The following GUCY1A2 variants were observed in gnomAD, a reference collection of about 807,000 sequenced individuals.
The protein encoded by GUCY1A2 is guanylate cyclase 1 soluble subunit alpha 2, also known as guanylate cyclase soluble subunit alpha-2.
GUCY1A2 carries 27 observed loss-of-function variants against 63.5 expected under a neutral mutation model. That is an observed-to-expected ratio of 0.43 (90% CI 0.31 to 0.59). The LOEUF (loss-of-function observed/expected upper bound fraction) is 0.59, where lower values mean the gene tolerates loss of function less well. Among genes scored for constraint, GUCY1A2 ranks in the 20% least tolerant of loss-of-function variants. GUCY1A2 has a pLI of 0.11. For missense variants in GUCY1A2, 768 were observed against 913.3 expected (o/e 0.84, Z 2.05); for synonymous variants, 364 against 343.5 (o/e 1.06, Z -0.66).
At chr11:106,742,211 T>C (rs1297607354) in intron 6 of GUCY1A2, among the ~76,000 whole-genome samples, 2 of 152,198 alleles carry the variant, frequency 1.3e-5, no homozygotes, top group African/African-American at 2.4e-5. Flanking sequence ...CCAACTTTTA[T>C]GTGCAGGATG....
chr11:106,717,480 C>T (rs1863235905), intron 6 of GUCY1A2, among the ~76,000 whole-genome samples: 1 of 152,132 alleles, frequency 6.6e-6, no homozygotes, highest in Admixed American at 6.6e-5. Context: ...CCATGAGTAA[C>T]ATTATGAGCT....
At chr11:106,929,344 A>G (rs1419984557) in intron 4 of GUCY1A2, among the ~76,000 whole-genome samples, 1 of 152,176 alleles carries the variant, frequency 6.6e-6, no homozygotes, top group African/African-American at 2.4e-5. Flanking sequence ...ATCCAAATAC[A>G]GGCAGCATTT....
chr11:106,856,726 G>A (rs1487466632), intron 4 of GUCY1A2, among the ~76,000 whole-genome samples: 2 of 152,120 alleles, frequency 1.3e-5, no homozygotes, highest in Non-Finnish European at 2.9e-5. Flanking sequence ...ACAGCACCAC[G>A]GTGTGCATTG....
intron 4 of GUCY1A2, among the ~76,000 whole-genome samples, chr11:106,889,901 T>C (rs1430109838): frequency 1.3e-5 from 2 of 152,170 alleles, no homozygotes; most frequent in African/African-American, 4.8e-5. Flanking sequence ...TTATTTATAA[T>C]AGAAAAGCAA....
chr11:106,918,717 T>C (rs1860401043), intron 4 of GUCY1A2, among the ~76,000 whole-genome samples: 1 of 145,754 alleles, frequency 6.9e-6, no homozygotes, highest in African/African-American at 2.4e-5. Context: ...AAAGATTTAT[T>C]GTGCACACTT....
Position 107,017,867 on chromosome 11 carries a change from C to T in GUCY1A2, c.189G>A (p.Pro63=). 1 of 1,250,306 alleles carries T rather than the reference C, an allele frequency of 8.0e-7. No homozygotes were observed. Among genetic ancestry groups the T allele is most frequent in the Non-Finnish European group, 1.0e-6 (1 of 995,958 alleles). 77.5% of individuals were successfully genotyped at this position (1,250,306 alleles called of 1,614,324 possible). Residue 63 remains proline, a synonymous_variant, in exon 1 of 8, where the codon CCG becomes CCA. Transcript: ENST00000526355. ...AAAAAAPAPT[P]AASAAAAAAT... Reference sequence around the variant, plus strand: ...CAGCGGCGGCGGCGGCAGAAGCAGCCGGGGTCGGGGCCGGGGCGGCGGCAG... The same window carrying T: ...CAGCGGCGGCGGCGGCAGAAGCAGCTGGGGTCGGGGCCGGGGCGGCGGCAG...
intron 5 of GUCY1A2, among the ~76,000 whole-genome samples, chr11:106,793,589 T>A (rs1222479247): frequency 2.0e-5 from 3 of 151,866 alleles, no homozygotes; most frequent in Non-Finnish European, 1.5e-5. Flanking sequence ...AGAAAATATT[T>A]GCAAATCACA....
At chr11:106,745,207 G>A (rs941134504) in intron 6 of GUCY1A2, among the ~76,000 whole-genome samples, 2 of 152,070 alleles carry the variant, frequency 1.3e-5, no homozygotes, top group African/African-American at 2.4e-5. Context: ...CTGAAAACTA[G>A]TTTCTGTATT....
intron 3 of GUCY1A2, among the ~76,000 whole-genome samples, chr11:106,959,754 T>C (rs1861036267): frequency 1.3e-5 from 2 of 152,234 alleles, no homozygotes; most frequent in Non-Finnish European, 2.9e-5. Flanking sequence ...AGCAATTCAA[T>C]TTTTCCCTCT....
chr11:106,926,835 A>C (rs1243174519), intron 4 of GUCY1A2, among the ~76,000 whole-genome samples: 1 of 151,742 alleles, frequency 6.6e-6, no homozygotes, highest in African/African-American at 2.4e-5. Context: ...TTTAAGGAAA[A>C]TCAAACACAG....
intron 3 of GUCY1A2, among the ~76,000 whole-genome samples, chr11:106,943,364 T>C (rs534669094): frequency 1.3e-5 from 2 of 152,338 alleles, no homozygotes; most frequent in East Asian, 1.9e-4. Context: ...TCTATAAGAA[T>C]ACATTTCCTC....
chr11:106,898,797 C>G (rs977278477), intron 4 of GUCY1A2, among the ~76,000 whole-genome samples: 15 of 152,106 alleles, frequency 9.9e-5, no homozygotes, highest in Non-Finnish European at 1.8e-4. Flanking sequence ...ATACATTTAT[C>G]CAAACCCATA....
intron 6 of GUCY1A2, among the ~76,000 whole-genome samples, chr11:106,709,925 G>C (rs377565319): frequency 0.02 from 165 of 8,316 alleles, 2 homozygotes; most frequent in Middle Eastern, 0.17. Flanking sequence ...ATAACATATA[G>C]TTATATATTA....
chr11:106,957,955 C>G (rs1254844440), intron 3 of GUCY1A2, among the ~76,000 whole-genome samples: 4 of 131,902 alleles, frequency 3.0e-5, no homozygotes, highest in African/African-American at 8.6e-5. Context: ...TTTCAATTTT[C>G]CTATTGAATT....
chr11:106,899,313 T>C (rs1591319151), intron 4 of GUCY1A2, among the ~76,000 whole-genome samples: 1 of 152,308 alleles, frequency 6.6e-6, no homozygotes, highest in Admixed American at 6.5e-5. Flanking sequence ...TATTAAACTT[T>C]ACTGCATTTC....
At chr11:106,752,545 T>G (rs1863900101) in intron 6 of GUCY1A2, among the ~76,000 whole-genome samples, 2 of 151,938 alleles carry the variant, frequency 1.3e-5, no homozygotes, top group Admixed American at 1.3e-4. Context: ...TGGTGTGTGA[T>G]GTTCCCCTCC....
intron 1 of GUCY1A2, among the ~76,000 whole-genome samples, chr11:107,011,358 C>T (rs770354312): frequency 2.0e-4 from 30 of 151,412 alleles, no homozygotes; most frequent in Non-Finnish European, 2.4e-4. Context: ...GTATAATTAA[C>T]GGCAACAGGA....
chr11:106,987,311 A>G (rs1861414392), intron 1 of GUCY1A2, among the ~76,000 whole-genome samples: 1 of 152,200 alleles, frequency 6.6e-6, no homozygotes, highest in Non-Finnish European at 1.5e-5. Context: ...TCAATTTCCA[A>G]TTGCTAATCC....
At chr11:106,947,032 G>A (rs954368560) in intron 3 of GUCY1A2, among the ~76,000 whole-genome samples, 1 of 151,856 alleles carries the variant, frequency 6.6e-6, no homozygotes. Flanking sequence ...GCCTGGCCAA[G>A]ATGGTGAAAC....
Sources: gnomAD v4.1 joint callset for allele counts (sites outside exome capture counted in the v4.1 genomes callset) on GRCh38, gnomAD v4.1.1 for gene constraint, MANE v1.5 for transcripts, NCBI Gene and HGNC (gene_info 2026-07-23, HGNC 2026-07-21) for gene names.